The following CCDC192 variants were observed in gnomAD, a reference collection of about 807,000 sequenced individuals.
CCDC192 encodes the protein coiled-coil domain containing 192.
At chr5:127,832,814 C>T (rs975142497) in intron 5 of CCDC192, among the ~76,000 whole-genome samples, 13 of 152,126 alleles carry the variant, frequency 8.5e-5, no homozygotes, top group Non-Finnish European at 1.9e-4. Flanking sequence ...TAAAAATTCC[C>T]TGGAGCATGG....
intron 6 of CCDC192, among the ~76,000 whole-genome samples, chr5:127,914,301 T>TA (rs1238446896): frequency 1.3e-5 from 2 of 152,218 alleles, no homozygotes; most frequent in African/African-American, 4.8e-5. Flanking sequence ...AGTATGTCTA[T>TA]AATGTCTTAT....
chr5:127,716,683 C>A (rs1208474275), intron 2 of CCDC192, among the ~76,000 whole-genome samples: 2 of 152,176 alleles, frequency 1.3e-5, no homozygotes, highest in African/African-American at 4.8e-5. Context: ...AAATTTCCCT[C>A]AGCTGAGGGA....
chr5:127,706,567 C>T (rs182415532), intron 1 of CCDC192, among the ~76,000 whole-genome samples: 17 of 140,682 alleles, frequency 1.2e-4, no homozygotes, highest in Admixed American at 2.9e-4. Context: ...TATTGATTGA[C>T]AACAATAGAA....
At chr5:127,779,655 G>A (rs1258638648) in intron 3 of CCDC192, among the ~76,000 whole-genome samples, 2 of 152,154 alleles carry the variant, frequency 1.3e-5, no homozygotes, top group African/African-American at 4.8e-5. Flanking sequence ...AAATAAGTAA[G>A]TTGTCATCAA....
intron 3 of CCDC192, chr5:127,786,452 C>T (rs538783088): frequency 1.6e-6 from 1 of 627,848 alleles, no homozygotes; most frequent in South Asian, 1.8e-5. Context: ...CAACTCCACT[C>T]ACAGTTTTGT....
intron 3 of CCDC192, chr5:127,786,268 A>G (rs1474726730): frequency 2.0e-5 from 13 of 657,394 alleles, no homozygotes; most frequent in Admixed American, 4.8e-5. Context: ...TGCCTTATTC[A>G]TATATTCAGT....
intron 3 of CCDC192, among the ~76,000 whole-genome samples, chr5:127,776,418 G>C (rs1056856304): frequency 6.6e-6 from 1 of 152,154 alleles, no homozygotes; most frequent in African/African-American, 2.4e-5. Flanking sequence ...AGGTGGCTTG[G>C]GTGCTGTTGT....
chr5:127,924,516 T>C (rs1456769449), intron 6 of CCDC192, among the ~76,000 whole-genome samples: 6 of 152,228 alleles, frequency 3.9e-5, no homozygotes, highest in Non-Finnish European at 7.3e-5. Flanking sequence ...AACTGGCCTG[T>C]TGTTTTATCT....
intron 5 of CCDC192, among the ~76,000 whole-genome samples, chr5:127,815,125 A>C (rs528365500): frequency 2.0e-5 from 3 of 152,154 alleles, no homozygotes; most frequent in Non-Finnish European, 4.4e-5. Flanking sequence ...GTGTTTCTCT[A>C]TCTGAAACTG....
At chr5:127,883,959 C>T (rs1385394559) in intron 6 of CCDC192, among the ~76,000 whole-genome samples, 2 of 152,144 alleles carry the variant, frequency 1.3e-5, no homozygotes, top group Non-Finnish European at 2.9e-5. Flanking sequence ...CTATTGACCC[C>T]ACGTGGACTA....
chr5:127,732,512 T>G (rs532482316), intron 2 of CCDC192, among the ~76,000 whole-genome samples: 8 of 152,306 alleles, frequency 5.3e-5, no homozygotes, highest in Admixed American at 3.3e-4. Context: ...CAGAGGAATA[T>G]AAATCATTCT....
intron 6 of CCDC192, among the ~76,000 whole-genome samples, chr5:127,937,262 C>T (rs1311779032): frequency 6.6e-6 from 1 of 151,976 alleles, no homozygotes. Flanking sequence ...TTTTTTTCAG[C>T]ATCTACTCTA....
Position 127,873,609 on chromosome 5 carries a change from A to G in CCDC192, c.412-1929A>G, listed in dbSNP as rs182000652. On this transcript the variant is annotated intron_variant, in intron 5 of 6. Transcript: ENST00000514853. Reference sequence around the variant, plus strand: ...GGACACTTTCTAGCACTCCCTTCACAATCTCTCTTGCCTCATTTTCCCTCA... The same window carrying G: ...GGACACTTTCTAGCACTCCCTTCACGATCTCTCTTGCCTCATTTTCCCTCA... Among the ~76,000 whole-genome samples, 612 of 152,280 alleles carry G rather than the reference A, an allele frequency of 4.0e-3. 2 individuals carry two copies. Among genetic ancestry groups the G allele is most frequent in the African/African-American group, 0.014 (590 of 41,562 alleles).
At chr5:127,742,061 A>G (rs1340982398) in intron 2 of CCDC192, among the ~76,000 whole-genome samples, 4 of 152,208 alleles carry the variant, frequency 2.6e-5, no homozygotes, top group African/African-American at 7.2e-5. Flanking sequence ...CCTAGTGAGC[A>G]TATTAACTAC....
intron 3 of CCDC192, among the ~76,000 whole-genome samples, chr5:127,788,468 A>G (rs891285976): frequency 6.6e-6 from 1 of 152,194 alleles, no homozygotes; most frequent in African/African-American, 2.4e-5. Flanking sequence ...TTTAAAATTT[A>G]TTCTGCTAGT....
intron 6 of CCDC192, among the ~76,000 whole-genome samples, chr5:127,904,374 A>G (rs1435434254): frequency 6.6e-6 from 1 of 152,198 alleles, no homozygotes; most frequent in Non-Finnish European, 1.5e-5. Context: ...GAGCAGCAAT[A>G]ATAAAGTAAT....
intron 6 of CCDC192, among the ~76,000 whole-genome samples, chr5:127,886,048 C>T (rs541519573): frequency 6.6e-6 from 1 of 152,250 alleles, no homozygotes; most frequent in East Asian, 1.9e-4. Context: ...TTAACTCAGG[C>T]AAGCATAAGA....
intron 5 of CCDC192, 141 bp downstream of exon 5, chr5:127,798,303 G>C (rs141746299): frequency 5.1e-6 from 2 of 388,548 alleles, no homozygotes; most frequent in African/African-American, 2.1e-5. Context: ...TTTTTACTGC[G>C]TCTACACAGT....
intron 6 of CCDC192, among the ~76,000 whole-genome samples, chr5:127,898,320 G>C (rs1752950165): frequency 6.6e-6 from 1 of 152,034 alleles, no homozygotes; most frequent in Non-Finnish European, 1.5e-5. Flanking sequence ...TGTTGGCCAG[G>C]CTGGTCTTGA....
Sources: allele counts gnomAD v4.1 joint callset (sites outside exome capture counted in the v4.1 genomes callset), GRCh38; gene constraint gnomAD v4.1.1; transcripts MANE v1.5; gene names NCBI Gene and HGNC (gene_info 2026-07-23, HGNC 2026-07-21).